BMPR2: variants seen among roughly 807,000 people sequenced by gnomAD.
BMPR2 encodes the protein bone morphogenetic protein receptor type-2.
A neutral mutation model predicts 100.8 loss-of-function variants in BMPR2; 29 were observed. That is an observed-to-expected ratio of 0.29 (90% confidence interval 0.21 to 0.39). The LOEUF (loss-of-function observed/expected upper bound fraction) is 0.39, where lower values mean the gene tolerates loss of function less well. Among genes scored for constraint, BMPR2 ranks in the 10% least tolerant of loss-of-function variants. BMPR2 has a pLI of 1.00. For synonymous variants in BMPR2, 382 were observed against 442.3 expected, an observed-to-expected ratio of 0.86 and a Z score of 1.71; for missense variants, 1,011 against 1,274.5, an observed-to-expected ratio of 0.79 and a Z score of 3.15.
chr2:202,391,918 C>T (rs865812968), intron 1 of BMPR2, among the ~76,000 whole-genome samples: 16 of 151,568 alleles, frequency 1.1e-4, no homozygotes, highest in Admixed American at 5.9e-4. Flanking sequence ...CGCGCCACCA[C>T]GCCCAGCTAA....
chr2:202,417,692 C>A (rs545249118), intron 1 of BMPR2, among the ~76,000 whole-genome samples: 29 of 151,562 alleles, frequency 1.9e-4, no homozygotes, highest in African/African-American at 6.8e-4. Flanking sequence ...AGTGCAGGGG[C>A]CTGATCATGG....
chr2:202,434,569 T>C (rs1574446794), intron 1 of BMPR2, among the ~76,000 whole-genome samples: 1 of 150,006 alleles, frequency 6.7e-6, no homozygotes, highest in South Asian at 2.1e-4. Context: ...CAATGGAAAA[T>C]CAATATAGTC....
chr2:202,535,154 C>A (rs1243354883), intron 9 of BMPR2, among the ~76,000 whole-genome samples: 1 of 149,664 alleles, frequency 6.7e-6, no homozygotes, highest in Non-Finnish European at 1.5e-5. Context: ...ACCTCCCTCC[C>A]GGATGGGGCG....
chr2:202,377,631 G>A, intron 1 of BMPR2, 81 bp downstream of exon 1: 1 of 1,523,740 alleles, frequency 6.6e-7, no homozygotes. Flanking sequence ...CGAGGCCTGT[G>A]CTTGCCCTTC....
At chr2:202,546,652 G>A (rs1033310228) in intron 10 of BMPR2, among the ~76,000 whole-genome samples, 1 of 152,152 alleles carries the variant, frequency 6.6e-6, no homozygotes, top group Non-Finnish European at 1.5e-5. Flanking sequence ...CACTCAGGCT[G>A]GAGTGCAGTG....
chr2:202,476,503 A>C (rs1390971326), intron 3 of BMPR2, among the ~76,000 whole-genome samples: 1 of 152,112 alleles, frequency 6.6e-6, no homozygotes, highest in Non-Finnish European at 1.5e-5. Flanking sequence ...AATAATGTTA[A>C]ATAGGCTGGG....
chr2:202,552,864 T>C lies in BMPR2; in HGVS notation c.1562T>C (p.Met521Thr). 1 of 1,614,188 alleles carries C rather than the reference T, an allele frequency of 6.2e-7. No individual in the cohort carries two copies. Among genetic ancestry groups the C allele is most frequent in the East Asian group, 2.2e-5 (1 of 44,884 alleles). The change falls in exon 11 of 13, where the codon ATG (methionine) becomes ACG (threonine). Residue 521 changes from methionine (M) to threonine (T), a missense_variant. By Grantham distance (81) the Met-to-Thr change is moderately conservative. Around this residue, in one of 6 missense-constraint regions of BMPR2, gnomAD observed 508 missense variants for 552.0 expected, o/e 0.92. Transcript: ENST00000374580. The part of the protein sequence containing the change: ...NKSVSPTVNP[M>T]STAMQNERNL... Reference sequence around the variant, plus strand: ...TCTGTGAGCCCAACAGTCAATCCAATGTCTACTGCTATGCAGAATGAACGG... The same window carrying C: ...TCTGTGAGCCCAACAGTCAATCCAACGTCTACTGCTATGCAGAATGAACGG...
Position 202,562,849 on chromosome 2 carries a change from C to G in BMPR2, c.*2903C>G, listed in dbSNP as rs1688698532. On this transcript the variant is annotated 3_prime_UTR_variant, in exon 13 of 13. Coordinates refer to ENST00000374580, the MANE Select transcript of BMPR2 (RefSeq NM_001204.7). The stretch of plus-strand genomic sequence containing the variant: ...ATGCATAATTGGCAAAAAAAAAAAC[C>G]CACTGTTACCAGTGTAGGAAGTTAC... 1 of 151,344 alleles carries G rather than the reference C, an allele frequency of 6.6e-6. No homozygotes were observed. Among genetic ancestry groups the G allele is most frequent in the Non-Finnish European group, 1.5e-5 (1 of 67,796 alleles). The allele number at this position is 151,344 out of a possible 1,614,324, so 9.4% of individuals were successfully genotyped here.
intron 9 of BMPR2, among the ~76,000 whole-genome samples, chr2:202,536,519 G>A (rs973492958): frequency 1.3e-5 from 2 of 151,808 alleles, no homozygotes; most frequent in African/African-American, 4.8e-5. Context: ...TTAATTAAAA[G>A]TACAGAGATT....
chr2:202,509,508 T>A (rs1466279238), intron 3 of BMPR2, among the ~76,000 whole-genome samples: 1 of 151,884 alleles, frequency 6.6e-6, no homozygotes, highest in Non-Finnish European at 1.5e-5. Context: ...GTTAGCTATA[T>A]GCAATGTTCT....
chr2:202,452,787 T>C (rs1452326926), intron 1 of BMPR2, among the ~76,000 whole-genome samples: 1 of 152,234 alleles, frequency 6.6e-6, no homozygotes. Flanking sequence ...TAGCTTATAC[T>C]TTAATGAACA....
At chr2:202,413,475 C>A (rs1280384933) in intron 1 of BMPR2, among the ~76,000 whole-genome samples, 2 of 152,114 alleles carry the variant, frequency 1.3e-5, no homozygotes, top group East Asian at 3.8e-4. Flanking sequence ...TCTGTTAATG[C>A]AAATGTGGTG....
At chr2:202,536,047 A>C (rs1574496907) in intron 9 of BMPR2, among the ~76,000 whole-genome samples, 1 of 151,578 alleles carries the variant, frequency 6.6e-6, no homozygotes, top group Non-Finnish European at 1.5e-5. Context: ...TCGGCTCGGC[A>C]TGAGAGGGAG....
rs192306170 is a variant in BMPR2, at chr2:202,445,432, G to A, written c.77-19377G>A. ...TGTAGAGACAGGGTTTCACCATGTTGCCCAAGCTGATCTCAAACTCCTGGG... is the reference window on the plus strand; with the variant it reads ...TGTAGAGACAGGGTTTCACCATGTTACCCAAGCTGATCTCAAACTCCTGGG... On this transcript the variant is annotated intron_variant, in intron 1 of 12. Coordinates refer to ENST00000374580, the MANE Select transcript of BMPR2 (RefSeq NM_001204.7). 2.4e-3 allele frequency among the ~76,000 whole-genome samples: 367 copies of A among 149,922 alleles called. 31 individuals are homozygous for A. The highest frequency in any genetic ancestry group is 8.8e-3 in the African/African-American group (346 of 39,486).
chr2:202,499,649 C>T (rs1169512873), intron 3 of BMPR2, among the ~76,000 whole-genome samples: 1 of 152,160 alleles, frequency 6.6e-6, no homozygotes, highest in Non-Finnish European at 1.5e-5. Flanking sequence ...ACTTGAGAGT[C>T]AATTGATTCT....
intron 1 of BMPR2, among the ~76,000 whole-genome samples, chr2:202,421,126 C>G (rs1691253707): frequency 6.6e-6 from 1 of 151,784 alleles, no homozygotes; most frequent in Non-Finnish European, 1.5e-5. Flanking sequence ...TGGCACACGA[C>G]TATAATCCCA....
At chr2:202,488,684 C>T (rs937661758) in intron 3 of BMPR2, among the ~76,000 whole-genome samples, 8 of 152,090 alleles carry the variant, frequency 5.3e-5, no homozygotes, top group Non-Finnish European at 8.8e-5. Flanking sequence ...CCTCCTGCCT[C>T]GGCCTCCCAA....
rs1688755866 is a variant in BMPR2 at position 202,566,056 on chromosome 2, AAG to A, written c.*6116_*6117del. The stretch of plus-strand genomic sequence containing the variant: ...TTGAAACCCATTTTAAAATCTGGGT[AAG>A]AGAGAAGGAATCTTCAGAACAAAAT... On this transcript the variant is annotated 3_prime_UTR_variant, in exon 13 of 13. Transcript: ENST00000374580. 6.6e-6 allele frequency: 1 copy of A among 152,186 alleles called. No homozygotes were observed. Among genetic ancestry groups the A allele is most frequent in the Non-Finnish European group, 1.5e-5 (1 of 67,982 alleles). 9.4% of individuals were successfully genotyped at this position (152,186 alleles called of 1,614,324 possible).
rs1156729432 is a variant in BMPR2, at chr2:202,538,807, A to AG, written c.1277-3504_1277-3503insG. 3.3e-5 allele frequency among the ~76,000 whole-genome samples: 5 copies of AG among 152,008 alleles called. No individual in the cohort carries two copies. The East Asian group carries it at 7.7e-4, about 23-fold the overall frequency. On this transcript the variant is annotated intron_variant, in intron 9 of 12. Transcript: ENST00000374580. ...AGACTCTGTCTCAAAAAAAAAAAAA[A>AG]AAAAAAAAGTGAGGGTCAGAGTGGC...
Sources: allele counts gnomAD v4.1 joint callset (sites outside exome capture counted in the v4.1 genomes callset), GRCh38; gene constraint gnomAD v4.1.1; regional missense constraint gnomAD v4.1.1; transcripts MANE v1.5; gene names NCBI Gene and HGNC (gene_info 2026-07-23, HGNC 2026-07-21).